Variants in ADAM20 observed in about 807,000 individuals in gnomAD.
ADAM20 encodes ADAM metallopeptidase domain 20, also known as disintegrin and metalloproteinase domain-containing protein 20.
For synonymous variants in ADAM20, 305 were observed against 310.2 expected, an observed-to-expected ratio of 0.98 and a Z score of 0.18; for missense variants, 871 against 883.2, an observed-to-expected ratio of 0.99 and a Z score of 0.18.
the ADAM20 span, among the ~76,000 whole-genome samples, chr14:70,575,600 A>C: frequency 2.6e-5 from 4 of 152,220 alleles, no homozygotes; most frequent in Non-Finnish European, 5.9e-5. Flanking sequence ...AAACTAAACA[A>C]GACATATAAA....
the ADAM20 span, among the ~76,000 whole-genome samples, chr14:70,559,755 A>C: frequency 6.6e-6 from 1 of 152,140 alleles, no homozygotes; most frequent in Admixed American, 6.5e-5. Context: ...GCATACACCC[A>C]TCTCAGGGTC....
chr14:70,530,154 GCTTTTT>G (rs1883680577), intron 1 of ADAM20, among the ~76,000 whole-genome samples: 1 of 151,982 alleles, frequency 6.6e-6, no homozygotes, highest in African/African-American at 2.4e-5. Context: ...TATTCTATAA[GCTTTTT>G]CTATTTTTAA....
intron 1 of ADAM20, among the ~76,000 whole-genome samples, chr14:70,526,012 T>C (rs1244601929): frequency 6.6e-6 from 1 of 152,184 alleles, no homozygotes; most frequent in Non-Finnish European, 1.5e-5. Flanking sequence ...CATTTCAATC[T>C]CAATGTTCCA....
chr14:70,529,844 T>C (rs1883671417), intron 1 of ADAM20, among the ~76,000 whole-genome samples: 1 of 152,216 alleles, frequency 6.6e-6, no homozygotes, highest in African/African-American at 2.4e-5. Flanking sequence ...ACAATACATT[T>C]ATTTTTAAAA....
the ADAM20 span, among the ~76,000 whole-genome samples, chr14:70,540,054 T>C: frequency 6.6e-6 from 1 of 152,196 alleles, no homozygotes; most frequent in Non-Finnish European, 1.5e-5. Context: ...CTAATTTTTG[T>C]ATTTTTAGTA....
chr14:70,538,437 T>C (rs1391389999), upstream of ADAM20, among the ~76,000 whole-genome samples: 4 of 152,198 alleles, frequency 2.6e-5, 1 homozygote, highest in Non-Finnish European at 5.9e-5. Context: ...CTCACCCCGA[T>C]GAAAAAGAGT....
intron 1 of ADAM20, among the ~76,000 whole-genome samples, 157 bp from the exon 2 acceptor site, chr14:70,525,090 T>C (rs1481149625): frequency 6.6e-6 from 1 of 152,184 alleles, no homozygotes; most frequent in South Asian, 2.1e-4. Context: ...ATAGGGGAGA[T>C]TGCACATAGG....
the ADAM20 span, among the ~76,000 whole-genome samples, chr14:70,569,603 C>CA: frequency 1.3e-5 from 2 of 151,144 alleles, no homozygotes; most frequent in African/African-American, 4.9e-5. Flanking sequence ...AACAAACAAA[C>CA]AAAAAAGAGG....
upstream of ADAM20, among the ~76,000 whole-genome samples, chr14:70,538,944 C>T (rs982118102): frequency 3.9e-5 from 6 of 152,194 alleles, no homozygotes; most frequent in African/African-American, 1.2e-4. Flanking sequence ...ACTATAGGTA[C>T]GTGTCACCAT....
At chr14:70,574,591 G>A in the ADAM20 span, among the ~76,000 whole-genome samples, 4 of 151,776 alleles carry the variant, frequency 2.6e-5, no homozygotes, top group Admixed American at 1.3e-4. Context: ...AGTGAGCCGA[G>A]ATCGCACCAC....
At chr14:70,563,864 TCTA>T in the ADAM20 span, among the ~76,000 whole-genome samples, 1 of 152,226 alleles carries the variant, frequency 6.6e-6, no homozygotes, top group Non-Finnish European at 1.5e-5. Flanking sequence ...AGCCAATTAA[TCTA>T]CTTTCTTTAT....
At chr14:70,543,271 T>G in the ADAM20 span, among the ~76,000 whole-genome samples, 10 of 152,302 alleles carry the variant, frequency 6.6e-5, no homozygotes, top group Admixed American at 2.6e-4. Context: ...ATGCTACCCT[T>G]GGGGGAATGC....
the ADAM20 span, among the ~76,000 whole-genome samples, chr14:70,555,781 C>CGAG: frequency 6.6e-6 from 1 of 152,164 alleles, no homozygotes; most frequent in Non-Finnish European, 1.5e-5. Flanking sequence ...GCTGTCTCTA[C>CGAG]TCGTCCCTCT....
the ADAM20 span, among the ~76,000 whole-genome samples, chr14:70,540,331 C>G: frequency 0.021 from 3,204 of 152,068 alleles, 88 homozygotes; most frequent in East Asian, 0.13. Context: ...TTAAAAAGCT[C>G]TAATTAATTG....
At position 70,523,991 on chromosome 14, in the gene ADAM20, C is replaced by T. The variant is rs754447445; in HGVS notation, c.767G>A (p.Gly256Glu). 6.8e-6 allele frequency: 11 copies of T among 1,613,942 alleles called. No homozygotes were observed. In the South Asian group the frequency reaches 1.2e-4, roughly 18 times the overall value. Residue 256 changes from glycine (G) to glutamate (E), a missense_variant, in exon 2 of 2, where the codon GGA becomes GAA. Physicochemically the swap from Gly to Glu is moderately conservative, Grantham distance 98. Coordinates refer to ENST00000256389, the MANE Select transcript of ADAM20 (RefSeq NM_003814.5). ...ATTTGATGCAGTCCATATATCAATT[C>T]CAGTCAAAATTACATCAACCTCCAA... ...HPLEVDVILT[G>E]IDIWTASNPL...
At chr14:70,564,148 C>A in the ADAM20 span, among the ~76,000 whole-genome samples, 4 of 152,244 alleles carry the variant, frequency 2.6e-5, no homozygotes, top group Admixed American at 1.3e-4. Context: ...AGCCTGTGAG[C>A]CTGAGACAAC....
intron 1 of ADAM20, among the ~76,000 whole-genome samples, chr14:70,529,584 T>C (rs977280098): frequency 6.6e-6 from 1 of 152,226 alleles, no homozygotes; most frequent in South Asian, 2.1e-4. Flanking sequence ...GCTACTATAC[T>C]GAATACTATA....
chr14:70,569,705 A>G, the ADAM20 span, among the ~76,000 whole-genome samples: 1 of 152,114 alleles, frequency 6.6e-6, no homozygotes, highest in African/African-American at 2.4e-5. Context: ...TTAATGATAA[A>G]ACATTCAATT....
At position 70,522,587 on chromosome 14, in the gene ADAM20, T is replaced by G; in HGVS notation, c.2171A>C (p.Glu724Ala). 1 of 1,602,654 alleles carries G rather than the reference T, an allele frequency of 6.2e-7. No homozygotes were observed. Among genetic ancestry groups the G allele is most frequent in the Non-Finnish European group, 8.5e-7 (1 of 1,174,654 alleles). The change falls in exon 2 of 2, where the codon GAA becomes GCA. Residue 724 changes from glutamate (E) to alanine (A), a missense_variant. Glu to Ala is a moderately radical substitution (Grantham distance 107). Transcript: ENST00000256389. The stretch of plus-strand genomic sequence containing the variant: ...TTTTTCCCATTTCTCTTATCCTTCT[T>G]CATCTTCTTTACTTTTTGTGCGTTT... The part of the protein sequence containing the change: ...FKKRTKSKED[E>A]EG
Sources: gnomAD v4.1 joint callset for allele counts (sites outside exome capture counted in the v4.1 genomes callset) on GRCh38, gnomAD v4.1.1 for gene constraint, MANE v1.5 for transcripts, NCBI Gene and HGNC (gene_info 2026-07-23, HGNC 2026-07-21) for gene names.